EVC: variants seen among roughly 807,000 people sequenced by gnomAD.
EVC encodes EvC ciliary complex subunit 1.
In EVC, 116 loss-of-function variants were observed where a neutral mutation model predicts 118.9. The observed-to-expected ratio is 0.98, with a 90% CI of 0.84 to 1.14. The LOEUF (loss-of-function observed/expected upper bound fraction) is 1.14. EVC is among the 50% of genes most tolerant of loss of function. EVC has a pLI of 0.00. For synonymous variants in EVC, 619 were observed against 534.7 expected (o/e 1.16, Z -2.18); for missense variants, 1,401 against 1,246.4 (o/e 1.12, Z -1.87).
rs1196987046 is a variant in EVC, at chr4:5,742,956, T to C, written c.801+1142T>C. On this transcript the variant is annotated intron_variant, in intron 6 of 20. Coordinates refer to ENST00000264956, the MANE Select transcript of EVC (RefSeq NM_153717.3). The surrounding 1 kb of genome is among the most constrained non-coding windows in gnomAD (Gnocchi z 5.2). ...GTGCCCAGAGTTGGTAACATATGGA[T>C]GCTTGGCAACTGTATTTATACTCAT... Among the ~76,000 whole-genome samples the C allele has an allele frequency of 2.0e-5, 3 of 152,226 alleles. No individual in the cohort carries two copies. The highest frequency in any genetic ancestry group is 7.2e-5 in the African/African-American group (3 of 41,462).
chr4:5,731,235 G>A lies in EVC; in HGVS notation c.385-190G>A, dbSNP rs1023467117. On this transcript the variant is annotated intron_variant, in intron 3 of 20. Coordinates refer to ENST00000264956, the MANE Select transcript of EVC (RefSeq NM_153717.3). This position sits in a 1 kb window ranked among gnomAD's most constrained non-coding sequence, Gnocchi z 5.6. ...TGTGAGGACAAGTGAACTGTGATTC[G>A]GGCCTCTGGGCTGTCGATGTGGCAG... is the stretch of plus-strand genomic sequence containing the variant. Among the ~76,000 whole-genome samples the A allele has an allele frequency of 5.3e-5, 8 of 151,976 alleles. No homozygotes were observed. Among genetic ancestry groups the A allele is most frequent in the African/African-American group, 1.5e-4 (6 of 41,362 alleles).
At chr4:5,783,896 C>G (rs968307408) in intron 12 of EVC, 132 bp downstream of exon 12, 75 of 841,410 alleles carry the variant, frequency 8.9e-5, no homozygotes, top group Non-Finnish European at 7.7e-6. Context: ...TGTTGCCTCC[C>G]TTTCACAATG....
chr4:5,806,978 G>A (rs1326072903), intron 17 of EVC, among the ~76,000 whole-genome samples: 1 of 152,134 alleles, frequency 6.6e-6, no homozygotes, highest in Non-Finnish European at 1.5e-5. Context: ...CCATTTGTGT[G>A]TCTTTTTTTT....
At chr4:5,785,211 G>T (rs1736237729) in intron 12 of EVC, among the ~76,000 whole-genome samples, 1 of 152,190 alleles carries the variant, frequency 6.6e-6, no homozygotes, top group Non-Finnish European at 1.5e-5. Flanking sequence ...AGGCCTGGAG[G>T]TGCATCAGCC....
At chr4:5,779,317 G>A (rs1249490162) in intron 11 of EVC, among the ~76,000 whole-genome samples, 42 of 151,964 alleles carry the variant, frequency 2.8e-4, no homozygotes, top group Non-Finnish European at 4.6e-4. Flanking sequence ...TTGACTTGGC[G>A]ATGCGGGCTC....
intron 1 of EVC, among the ~76,000 whole-genome samples, chr4:5,716,511 A>C (rs1021468520): frequency 6.6e-6 from 1 of 152,182 alleles, no homozygotes; most frequent in African/African-American, 2.4e-5. Context: ...AATGGTGCTC[A>C]GAGTTCAGAT....
intron 12 of EVC, among the ~76,000 whole-genome samples, chr4:5,788,656 C>T (rs546112151): frequency 2.0e-5 from 3 of 152,238 alleles, no homozygotes; most frequent in Non-Finnish European, 4.4e-5. Flanking sequence ...CAAGAAATCC[C>T]ATTGATTTTG....
rs1716961385 is a variant in EVC at position 5,811,893 on chromosome 4, G to A, written c.*856G>A. On this transcript the variant is annotated 3_prime_UTR_variant, in exon 21 of 21. Coordinates refer to ENST00000264956, the MANE Select transcript of EVC (RefSeq NM_153717.3). ...AGCCAAGAGAAGCCTTTCCAGCCTG[G>A]AGAGAAACTTCCAGACCAGCCCTCT... is the stretch of plus-strand genomic sequence containing the variant. 1 of 150,018 alleles carries A rather than the reference G, an allele frequency of 6.7e-6. No individual in the cohort carries two copies. The allele number at this position is 150,018 out of a possible 1,614,324, so 9.3% of individuals were successfully genotyped here.
chr4:5,727,987 A>G (rs1726141183), intron 2 of EVC, among the ~76,000 whole-genome samples: 1 of 150,814 alleles, frequency 6.6e-6, no homozygotes, highest in African/African-American at 2.4e-5. Flanking sequence ...CTTGTAGTAT[A>G]GTTTGAAGTC....
chr4:5,792,228 TA>T (rs1036705837), intron 12 of EVC, among the ~76,000 whole-genome samples: 3 of 152,128 alleles, frequency 2.0e-5, no homozygotes, highest in African/African-American at 4.8e-5. Flanking sequence ...TTCAGATTGC[TA>T]AAAAACACAT....
intron 16 of EVC, among the ~76,000 whole-genome samples, chr4:5,804,288 A>ACC (rs1203642564): frequency 3.3e-5 from 5 of 152,164 alleles, no homozygotes; most frequent in African/African-American, 1.2e-4. Flanking sequence ...GAGCAGCTTA[A>ACC]CCTGCAAACA....
chr4:5,789,415 T>G lies in EVC; in HGVS notation c.1777-4193T>G, dbSNP rs572038649. On this transcript the variant is annotated intron_variant, in intron 12 of 20. Coordinates refer to ENST00000264956, the MANE Select transcript of EVC (RefSeq NM_153717.3). This position sits in a 1 kb window ranked among gnomAD's most constrained non-coding sequence, Gnocchi z 4.3. Reference sequence around the variant, plus strand: ...TCCATGTCACCTTCACAGCAAGGCCTACTCTGACCATGCTGTTTAAAACTG... The same window carrying G: ...TCCATGTCACCTTCACAGCAAGGCCGACTCTGACCATGCTGTTTAAAACTG... Among the ~76,000 whole-genome samples, 1 of 152,322 alleles carries G rather than the reference T, an allele frequency of 6.6e-6. No individual in the cohort carries two copies. The highest frequency in any genetic ancestry group is 1.5e-5 in the Non-Finnish European group (1 of 68,032).
chr4:5,797,845 T>C (rs1444279440), intron 14 of EVC, among the ~76,000 whole-genome samples: 1 of 152,040 alleles, frequency 6.6e-6, no homozygotes, highest in African/African-American at 2.4e-5. Context: ...ACAGGTGCAG[T>C]TGTCATTGGG....
the EVC span, chr4:5,821,627 G>A: frequency 1.4e-5 from 12 of 836,016 alleles, 1 homozygote; most frequent in South Asian, 2.1e-4. This position sits in a 1 kb window ranked among gnomAD's most constrained non-coding sequence, Gnocchi z 4.4. Flanking sequence ...ACAGAAAAGG[G>A]AAAGAGCATC....
intron 12 of EVC, among the ~76,000 whole-genome samples, chr4:5,788,772 T>C (rs942411365): frequency 1.3e-5 from 2 of 152,188 alleles, no homozygotes; most frequent in Admixed American, 1.3e-4. Context: ...CCAACTGCTT[T>C]ACCTCCATTC....
At chr4:5,729,159 G>T in intron 2 of EVC, 148 bp from the exon 3 acceptor site, 1 of 742,338 alleles carries the variant, frequency 1.3e-6, no homozygotes, top group Non-Finnish European at 2.4e-6. Flanking sequence ...TTCTGGCAAG[G>T]AAGAGCTAAT....
chr4:5,807,343 G>C (rs910557941), intron 17 of EVC, among the ~76,000 whole-genome samples: 1 of 152,208 alleles, frequency 6.6e-6, no homozygotes, highest in Non-Finnish European at 1.5e-5. Flanking sequence ...AGAGAGGAAA[G>C]GTGTTACTGG....
intron 17 of EVC, among the ~76,000 whole-genome samples, chr4:5,806,048 C>T (rs1363808982): frequency 2.6e-5 from 4 of 151,850 alleles, no homozygotes; most frequent in East Asian, 1.9e-4. Context: ...ATCGTCCCGC[C>T]GCCCTTCTGT....
At chr4:5,818,139 A>G (rs886131942), downstream of EVC, among the ~76,000 whole-genome samples, 1 of 152,080 alleles carries the variant, frequency 6.6e-6, no homozygotes, top group Non-Finnish European at 1.5e-5. Flanking sequence ...AAGTCTCAAG[A>G]GGTCTGATGG....
Sources: allele counts gnomAD v4.1 joint callset (sites outside exome capture counted in the v4.1 genomes callset), GRCh38; gene constraint gnomAD v4.1.1; non-coding constraint Gnocchi (gnomAD v3.1); transcripts MANE v1.5; gene names NCBI Gene and HGNC (gene_info 2026-07-23, HGNC 2026-07-21).